The following ECPAS variants were observed in gnomAD, a reference collection of about 807,000 sequenced individuals.
ECPAS encodes proteasome adapter and scaffold protein ECM29.
Under a neutral mutation model 255.1 loss-of-function variants are expected in ECPAS, and 70 were observed. The ratio of observed to expected loss-of-function variants is 0.27; its 90% CI spans 0.23 to 0.33. The LOEUF (loss-of-function observed/expected upper bound fraction) is 0.33. Among genes scored for constraint, ECPAS ranks in the 10% least tolerant of loss-of-function variants. ECPAS has a pLI of 1.00. For missense variants in ECPAS, 1,817 were observed against 2,206.4 expected, an observed-to-expected ratio of 0.82 and a Z score of 3.54; for synonymous variants, 784 against 775.0, an observed-to-expected ratio of 1.01 and a Z score of -0.19.
At chr9:111,453,671 C>T (rs970760604) in intron 2 of ECPAS, among the ~76,000 whole-genome samples, 2 of 152,174 alleles carry the variant, frequency 1.3e-5, no homozygotes, top group Admixed American at 6.5e-5. Context: ...GCAGATATCA[C>T]GTGTCCCTGA....
At chr9:111,449,980 C>G (rs1223682787) in intron 3 of ECPAS, among the ~76,000 whole-genome samples, 1 of 152,196 alleles carries the variant, frequency 6.6e-6, no homozygotes, top group Non-Finnish European at 1.5e-5. Flanking sequence ...GAGGCCTCCC[C>G]TTATACCCCA....
At chr9:111,445,277 G>A (rs2098251420) in intron 3 of ECPAS, among the ~76,000 whole-genome samples, 1 of 151,942 alleles carries the variant, frequency 6.6e-6, no homozygotes, top group Non-Finnish European at 1.5e-5. Context: ...TTACAGGCGT[G>A]AGCCACCGCG....
At chr9:111,395,063 G>A (rs1285382310) in intron 25 of ECPAS, among the ~76,000 whole-genome samples, 1 of 152,010 alleles carries the variant, frequency 6.6e-6, no homozygotes, top group Non-Finnish European at 1.5e-5. Context: ...CACTTTAGTC[G>A]ATCTATTGGC....
intron 48 of ECPAS, 28 bp downstream of exon 48, chr9:111,366,211 C>T (rs1212881891): frequency 2.2e-6 from 3 of 1,389,072 alleles, no homozygotes; most frequent in Non-Finnish European, 3.0e-6. Context: ...TTAGGACTCC[C>T]TCATCAGTTT....
intron 46 of ECPAS, 69 bp from the exon 47 acceptor site, chr9:111,366,696 G>C (rs750522105): frequency 1.0e-6 from 1 of 962,686 alleles, no homozygotes; most frequent in Non-Finnish European, 1.7e-6. Context: ...GAATAAATGA[G>C]GGACAGGCAG....
chr9:111,402,149 A>G (rs907186961), intron 24 of ECPAS, among the ~76,000 whole-genome samples: 1 of 152,236 alleles, frequency 6.6e-6, no homozygotes, highest in Admixed American at 6.5e-5. Context: ...AAGAAATTAT[A>G]AAAGTATTAA....
chr9:111,472,975 C>G lies in ECPAS; in HGVS notation c.-57G>C, dbSNP rs1211941337. On this transcript the variant is annotated 5_prime_UTR_variant, in exon 2 of 50. Transcript: ENST00000684092. The stretch of plus-strand genomic sequence containing the variant: ...ATCACCAATGGTACGTTCATCCACT[C>G]GTACATATGCAATTGTATAAAGAAT... 2.5e-6 allele frequency: 3 copies of G among 1,180,092 alleles called. No individual in the cohort carries two copies. Among genetic ancestry groups the G allele is most frequent in the Non-Finnish European group, 3.2e-6 (3 of 932,462 alleles). 73.1% of individuals were successfully genotyped at this position (1,180,092 alleles called of 1,614,324 possible).
intron 2 of ECPAS, among the ~76,000 whole-genome samples, chr9:111,458,918 T>C (rs971408992): frequency 1.3e-5 from 2 of 152,142 alleles, no homozygotes; most frequent in African/African-American, 4.8e-5. Context: ...ACCATAACCA[T>C]AAATACACGG....
At chr9:111,398,775 A>G (rs1015488494) in intron 24 of ECPAS, among the ~76,000 whole-genome samples, 65 of 152,102 alleles carry the variant, frequency 4.3e-4, no homozygotes, top group African/African-American at 1.5e-3. Context: ...CGTCTCTACT[A>G]AAAATAAAAA....
intron 4 of ECPAS, among the ~76,000 whole-genome samples, chr9:111,443,972 C>T (rs77767493): frequency 1.7e-3 from 255 of 152,168 alleles, no homozygotes; most frequent in Non-Finnish European, 9.6e-4. Context: ...TTTTTAAGTT[C>T]ACTTTCATGT....
At chr9:111,433,964 A>G (rs1805193273) in intron 7 of ECPAS, among the ~76,000 whole-genome samples, 1 of 152,260 alleles carries the variant, frequency 6.6e-6, no homozygotes, top group Admixed American at 6.5e-5. Context: ...ACTGGCTGAA[A>G]TGAAACAGAC....
At chr9:111,392,452 T>C (rs1327182832) in intron 28 of ECPAS, among the ~76,000 whole-genome samples, 1 of 152,210 alleles carries the variant, frequency 6.6e-6, no homozygotes, top group Non-Finnish European at 1.5e-5. Flanking sequence ...CGGGTTAGAC[T>C]ATGAATGATA....
At chr9:111,380,355 GTTTTTT>G (rs1019978211) in intron 35 of ECPAS, among the ~76,000 whole-genome samples, 30 of 152,046 alleles carry the variant, frequency 2.0e-4, no homozygotes, top group Non-Finnish European at 4.3e-4. Context: ...TTGTTTGTTT[GTTTTTT>G]GTTTTTGTTT....
intron 46 of ECPAS, 84 bp downstream of exon 46, chr9:111,368,951 C>G: frequency 7.8e-7 from 1 of 1,287,436 alleles, no homozygotes; most frequent in Non-Finnish European, 1.1e-6. Flanking sequence ...GAAACAATAA[C>G]TATAATTTGT....
At chr9:111,396,341 T>A (rs1196769350) in intron 25 of ECPAS, among the ~76,000 whole-genome samples, 1 of 152,192 alleles carries the variant, frequency 6.6e-6, no homozygotes, top group Non-Finnish European at 1.5e-5. Context: ...AAAGCCAGTG[T>A]ACCTAGAGCG....
intron 3 of ECPAS, among the ~76,000 whole-genome samples, chr9:111,450,626 C>T (rs139808658): frequency 5.3e-5 from 8 of 152,196 alleles, no homozygotes; most frequent in African/African-American, 9.6e-5. Context: ...AGAACAGTTT[C>T]GTTAAAAAAT....
At chr9:111,461,397 A>T (rs1319804832) in intron 2 of ECPAS, among the ~76,000 whole-genome samples, 2 of 152,082 alleles carry the variant, frequency 1.3e-5, no homozygotes, top group Non-Finnish European at 2.9e-5. Flanking sequence ...CCCAGGAGGT[A>T]GAGGTTGCAG....
At chr9:111,434,222 A>G (rs1376619932) in intron 7 of ECPAS, among the ~76,000 whole-genome samples, 2 of 152,206 alleles carry the variant, frequency 1.3e-5, no homozygotes, top group African/African-American at 2.4e-5. Context: ...TGCTCGATAC[A>G]ACTTACTTTT....
intron 2 of ECPAS, among the ~76,000 whole-genome samples, chr9:111,467,940 G>A (rs1310556148): frequency 6.6e-6 from 1 of 152,088 alleles, no homozygotes; most frequent in Non-Finnish European, 1.5e-5. Context: ...AGGACCTGAG[G>A]TCAGGAGTTC....
Sources: allele counts gnomAD v4.1 joint callset (sites outside exome capture counted in the v4.1 genomes callset), GRCh38; gene constraint gnomAD v4.1.1; transcripts MANE v1.5; gene names NCBI Gene and HGNC (gene_info 2026-07-23, HGNC 2026-07-21).